The following CDH13 variants were observed in gnomAD, a reference collection of about 807,000 sequenced individuals.
The protein encoded by CDH13 is cadherin 13.
Under a neutral mutation model 63.8 loss-of-function variants are expected in CDH13, and 24 were observed. The observed-to-expected ratio is 0.38, with a 90% CI of 0.27 to 0.53. The LOEUF is 0.53. Among genes scored for constraint, CDH13 ranks in the 20% least tolerant of loss-of-function variants. The pLI is 0.85. For missense variants in CDH13, 1,049 were observed against 903.1 expected, an observed-to-expected ratio of 1.16 and a Z score of -2.07; for synonymous variants, 503 against 355.3, an observed-to-expected ratio of 1.42 and a Z score of -4.67.
At chr16:83,359,226 T>G (rs1390826710) in intron 6 of CDH13, among the ~76,000 whole-genome samples, 1 of 152,218 alleles carries the variant, frequency 6.6e-6, no homozygotes, top group Admixed American at 6.5e-5. Flanking sequence ...TTTTCAGCTA[T>G]GTTTCCACTG....
intron 8 of CDH13, among the ~76,000 whole-genome samples, chr16:83,656,610 C>T (rs1411218297): frequency 6.6e-6 from 1 of 152,142 alleles, no homozygotes; most frequent in African/African-American, 2.4e-5. Context: ...CAGATCCAGG[C>T]ATTGTTACCC....
intron 3 of CDH13, among the ~76,000 whole-genome samples, chr16:83,080,255 T>G: frequency 6.6e-6 from 1 of 152,250 alleles, no homozygotes; most frequent in East Asian, 1.9e-4. Context: ...CTCAAATTGG[T>G]GATGACAGCC....
Position 83,486,673 on chromosome 16 carries a change from C to A in CDH13, c.960+18C>A, listed in dbSNP as rs766731010. ...ACCGAGAGGTGAGCTGAAAAGAATA[C>A]ACTTTCTTTTTCACGAGAATAGAAT... is the stretch of plus-strand genomic sequence containing the variant. On this transcript the variant is annotated intron_variant, in intron 7 of 13. Coordinates refer to ENST00000567109, the MANE Select transcript of CDH13 (RefSeq NM_001257.5). The A allele has an allele frequency of 1.2e-6, 2 of 1,607,182 alleles. No homozygotes were observed. Among genetic ancestry groups the A allele is most frequent in the Non-Finnish European group, 8.5e-7 (1 of 1,174,036 alleles).
rs80073747 is a variant in CDH13 at position 83,180,606 on chromosome 16, C to A, written c.484-36739C>A. Among the ~76,000 whole-genome samples the A allele has an allele frequency of 8.0e-3, 1,211 of 152,254 alleles. 21 individuals are homozygous for A. The highest frequency in any genetic ancestry group is 0.028 in the African/African-American group (1,166 of 41,534). On this transcript the variant is annotated intron_variant, in intron 4 of 13. Coordinates refer to ENST00000567109, the MANE Select transcript of CDH13 (RefSeq NM_001257.5). ...AGAAGCCATATGTTTGAAGTGTGTG[C>A]TTTGTACATTTTATGTGAAAACATG...
intron 6 of CDH13, among the ~76,000 whole-genome samples, chr16:83,408,418 C>G (rs1169857354): frequency 2.6e-5 from 4 of 152,168 alleles, no homozygotes; most frequent in Non-Finnish European, 4.4e-5. Flanking sequence ...TGCTACATGC[C>G]TATCCTGTAT....
chr16:83,419,510 A>G (rs2071651521), intron 6 of CDH13, among the ~76,000 whole-genome samples: 1 of 152,220 alleles, frequency 6.6e-6, no homozygotes, highest in Non-Finnish European at 1.5e-5. Flanking sequence ...TCCAAGTTCT[A>G]TAATGATAGC....
At chr16:83,151,889 A>G (rs1000678436) in intron 4 of CDH13, among the ~76,000 whole-genome samples, 1 of 152,030 alleles carries the variant, frequency 6.6e-6, no homozygotes, top group African/African-American at 2.4e-5. Flanking sequence ...TTGAACCTGG[A>G]AGGTGGAGGT....
At chr16:83,656,688 G>A (rs1483317297) in intron 8 of CDH13, among the ~76,000 whole-genome samples, 4 of 152,204 alleles carry the variant, frequency 2.6e-5, no homozygotes, top group Non-Finnish European at 5.9e-5. Context: ...TGGGAAAGTA[G>A]ACATCTTTGA....
At chr16:82,737,554 C>T (rs1043617318) in intron 1 of CDH13, among the ~76,000 whole-genome samples, 1 of 152,202 alleles carries the variant, frequency 6.6e-6, no homozygotes, top group Non-Finnish European at 1.5e-5. Flanking sequence ...AACGGTCTTG[C>T]ATTTCATACT....
At chr16:83,395,468 C>T (rs1012199239) in intron 6 of CDH13, among the ~76,000 whole-genome samples, 2 of 152,124 alleles carry the variant, frequency 1.3e-5, no homozygotes, top group Admixed American at 1.3e-4. Context: ...AAGTTACCTC[C>T]TTTCAAAGTG....
At chr16:83,207,779 G>T (rs76183605) in intron 4 of CDH13, among the ~76,000 whole-genome samples, 1 of 128,562 alleles carries the variant, frequency 7.8e-6, no homozygotes. Flanking sequence ...AAAAAAAAAA[G>T]ACTGAAGCCT....
chr16:83,590,592 G>A (rs532694971), intron 7 of CDH13, among the ~76,000 whole-genome samples: 11 of 152,160 alleles, frequency 7.2e-5, no homozygotes, highest in Admixed American at 3.3e-4. Context: ...GTTTTTTCTC[G>A]AAATGGACGT....
At chr16:83,012,735 C>G (rs970544346) in intron 2 of CDH13, among the ~76,000 whole-genome samples, 5 of 152,130 alleles carry the variant, frequency 3.3e-5, no homozygotes, top group African/African-American at 1.2e-4. Context: ...ATTATAGATA[C>G]AGTTCCATTT....
intron 3 of CDH13, among the ~76,000 whole-genome samples, chr16:83,081,048 A>C (rs932194181): frequency 2.0e-5 from 3 of 151,514 alleles, no homozygotes; most frequent in South Asian, 2.1e-4. Flanking sequence ...GGCCCGGCTA[A>C]TTTTTTATTT....
chr16:83,209,053 G>A (rs767861439), intron 4 of CDH13, among the ~76,000 whole-genome samples: 7 of 152,170 alleles, frequency 4.6e-5, no homozygotes, highest in Non-Finnish European at 8.8e-5. Flanking sequence ...GGGGGTGGCA[G>A]CAGGTTCAAG....
chr16:83,287,461 C>T (rs1216775264), intron 5 of CDH13, among the ~76,000 whole-genome samples: 1 of 151,916 alleles, frequency 6.6e-6, no homozygotes, highest in Non-Finnish European at 1.5e-5. Context: ...TGAGCTCCAC[C>T]TCCTGTCAGA....
intron 2 of CDH13, among the ~76,000 whole-genome samples, chr16:82,920,888 T>C (rs947013354): frequency 2.6e-5 from 4 of 152,208 alleles, no homozygotes; most frequent in Non-Finnish European, 4.4e-5. Flanking sequence ...GTGCTCTTTA[T>C]CATATTGAGT....
chr16:82,990,881 G>A (rs1341470622), intron 2 of CDH13, among the ~76,000 whole-genome samples: 1 of 152,128 alleles, frequency 6.6e-6, no homozygotes, highest in East Asian at 1.9e-4. Flanking sequence ...TCAGATTTCA[G>A]CACCAAGGCT....
chr16:83,578,990 T>G (rs1362038245), intron 7 of CDH13, among the ~76,000 whole-genome samples: 1 of 152,264 alleles, frequency 6.6e-6, no homozygotes, highest in Non-Finnish European at 1.5e-5. Flanking sequence ...TGTCTGTTCC[T>G]GTTATGAAAA....
Sources: allele counts gnomAD v4.1 joint callset (sites outside exome capture counted in the v4.1 genomes callset), GRCh38; gene constraint gnomAD v4.1.1; transcripts MANE v1.5; gene names NCBI Gene and HGNC (gene_info 2026-07-23, HGNC 2026-07-21).